SLC7A2: variants seen among roughly 807,000 people sequenced by gnomAD.
The protein encoded by SLC7A2 is cationic amino acid transporter 2.
Under a neutral mutation model 58.9 loss-of-function variants are expected in SLC7A2, and 48 were observed. That is an observed-to-expected ratio of 0.82 (90% CI 0.65 to 1.04). The LOEUF (loss-of-function observed/expected upper bound fraction) is 1.04, where lower values mean the gene tolerates loss of function less well. Ranked by LOEUF, SLC7A2 falls within the 50% of genes least tolerant of loss-of-function variation. The pLI, the probability that SLC7A2 is intolerant of heterozygous loss-of-function variation, is 0.00. For synonymous variants in SLC7A2, 363 were observed against 314.5 expected (o/e 1.15, Z -1.63); for missense variants, 1,029 against 818.8 (o/e 1.26, Z -3.13).
intron 8 of SLC7A2, among the ~76,000 whole-genome samples, chr8:17,556,492 T>G (rs974258731): frequency 2.6e-5 from 4 of 152,112 alleles, no homozygotes; most frequent in Non-Finnish European, 5.9e-5. Context: ...TGTTCTTAAC[T>G]TGGATCAGAG....
Position 17,538,676 on chromosome 8 carries a change from G to C in SLC7A2, c.-22-4642G>C, listed in dbSNP as rs995399678. 5.3e-6 allele frequency: 4 copies of C among 761,768 alleles called. No individual in the cohort carries two copies. In the African/African-American group the frequency reaches 5.5e-5, roughly 10 times the overall value. 47.2% of individuals were successfully genotyped at this position (761,768 alleles called of 1,614,324 possible). A position where few individuals can be genotyped will look rare whatever the true frequency, so the allele number is the denominator to read the frequency against. On this transcript the variant is annotated intron_variant, in intron 2 of 12. Transcript: ENST00000494857. ...CTTGGAACTTTAACATTGTAGAAACGTTGGGTTTGGACATTGCAAAATAAA... is the reference window on the plus strand; with the variant it reads ...CTTGGAACTTTAACATTGTAGAAACCTTGGGTTTGGACATTGCAAAATAAA...
At chr8:17,550,836 T>C (rs1444329887) in intron 6 of SLC7A2, among the ~76,000 whole-genome samples, 1 of 152,098 alleles carries the variant, frequency 6.6e-6, no homozygotes, top group Non-Finnish European at 1.5e-5. Flanking sequence ...GGAGAAAAAA[T>C]ATTGTGTCAG....
intron 2 of SLC7A2, among the ~76,000 whole-genome samples, chr8:17,519,726 C>T (rs1800938866): frequency 6.6e-6 from 1 of 152,172 alleles, no homozygotes; most frequent in African/African-American, 2.4e-5. Context: ...ACTTCAGGGT[C>T]ACTTACCTAA....
rs746765949 is a variant in SLC7A2 at position 17,550,346 on chromosome 8, C to T, written c.744C>T (p.Gly248=). The change falls in exon 6 of 13, where the codon GGC becomes GGT. Residue 248 remains glycine (G), a synonymous_variant. Transcript: ENST00000494857. ...ENGTSIYGAG[G]FMPYGFTGTL... is the part of the protein sequence containing the mutation. ...GAACAAGTATCTATGGGGCTGGTGG[C>T]TTTATGCCTTATGGCTTTACGGGAA... is the stretch of plus-strand genomic sequence containing the variant. 50 of 1,613,946 alleles carry T rather than the reference C, an allele frequency of 3.1e-5. No homozygotes were observed. In the South Asian group the frequency reaches 5.3e-4, roughly 17 times the overall value.
chr8:17,538,774 C>T, intron 2 of SLC7A2: 2 of 1,605,826 alleles, frequency 1.2e-6, no homozygotes, highest in African/African-American at 1.3e-5. Context: ...TTTTTTCCAT[C>T]AGTCCCAAAA....
At chr8:17,509,306 A>C (rs62497985) in intron 2 of SLC7A2, among the ~76,000 whole-genome samples, 43,236 of 151,772 alleles carry the variant, frequency 0.28, 6,373 homozygotes, top group Admixed American at 0.38. Context: ...TAATTTCCTT[A>C]TTCTTCTTCT....
intron 2 of SLC7A2, among the ~76,000 whole-genome samples, chr8:17,505,329 C>A (rs1161945773): frequency 6.6e-6 from 1 of 152,146 alleles, no homozygotes; most frequent in Non-Finnish European, 1.5e-5. Flanking sequence ...CAGGATGGGG[C>A]CTTCTTGGTC....
At chr8:17,524,427 C>T (rs765629172) in intron 2 of SLC7A2, among the ~76,000 whole-genome samples, 3,463 of 143,090 alleles carry the variant, frequency 0.024, 62 homozygotes, top group Non-Finnish European at 0.033. Context: ...TGTGTACACA[C>T]ACACACACAC....
chr8:17,547,776 G>A (rs1290150297), intron 4 of SLC7A2, among the ~76,000 whole-genome samples: 1 of 131,768 alleles, frequency 7.6e-6, no homozygotes, highest in Non-Finnish European at 1.6e-5. Context: ...ATATTTACTG[G>A]CACAAAAGAG....
intron 2 of SLC7A2, among the ~76,000 whole-genome samples, chr8:17,522,292 T>A: frequency 6.6e-6 from 1 of 152,004 alleles, no homozygotes; most frequent in Non-Finnish European, 1.5e-5. Flanking sequence ...ATGAGAACAG[T>A]GTGGGGGAAA....
chr8:17,528,790 ACTTTT>A (rs1801322795), intron 2 of SLC7A2, among the ~76,000 whole-genome samples: 1 of 152,098 alleles, frequency 6.6e-6, no homozygotes, highest in African/African-American at 2.4e-5. Context: ...GAAGGAGAAG[ACTTTT>A]CTTTATTTGT....
rs113984084 is a variant in SLC7A2 at position 17,508,763 on chromosome 8, C to G, written c.-23+6461C>G. Among the ~76,000 whole-genome samples, 185 of 152,044 alleles carry G rather than the reference C, an allele frequency of 1.2e-3. 1 individual carries two copies. Among genetic ancestry groups the G allele is most frequent in the Middle Eastern group, 6.8e-3 (2 of 294 alleles). ...CAAATAATAAAAAAGATAAATTGGT[C>G]AAGTGGCTGAAGATTGAAAGCCTGA... On this transcript the variant is annotated intron_variant, in intron 2 of 12. Transcript: ENST00000494857.
At chr8:17,515,505 A>G (rs1018360234) in intron 2 of SLC7A2, among the ~76,000 whole-genome samples, 12 of 152,104 alleles carry the variant, frequency 7.9e-5, no homozygotes, top group Admixed American at 5.9e-4. Context: ...CATGTTGGCC[A>G]GGATGGTTTT....
chr8:17,517,370 G>T (rs1276775930), intron 2 of SLC7A2, among the ~76,000 whole-genome samples: 2 of 152,208 alleles, frequency 1.3e-5, no homozygotes, highest in Non-Finnish European at 2.9e-5. Context: ...AATATGAAGA[G>T]AATCAAGAAT....
At chr8:17,514,156 T>A (rs1800710450) in intron 2 of SLC7A2, among the ~76,000 whole-genome samples, 1 of 152,066 alleles carries the variant, frequency 6.6e-6, no homozygotes, top group Non-Finnish European at 1.5e-5. Flanking sequence ...CTCAGCAATT[T>A]CATCCCAATT....
rs968582214 is a variant in SLC7A2 at position 17,548,736 on chromosome 8, T to G, written c.591T>G (p.Val197=). ...GGGTGAATAAAGTCTTCACAGCTGT[T>G]AATATTCTCGTCCTTCTGTTTGTGA... ...SAWVNKVFTA[V]NILVLLFVMV... is the part of the protein sequence containing the mutation. The change falls in exon 5 of 13, where the codon GTT becomes GTG. Residue 197 remains valine, a synonymous_variant. Coordinates refer to ENST00000494857, the MANE Select transcript of SLC7A2 (RefSeq NM_001370338.1). The G allele has an allele frequency of 6.2e-7, 1 of 1,613,794 alleles. No individual in the cohort carries two copies. Among genetic ancestry groups the G allele is most frequent in the Admixed American group, 1.7e-5 (1 of 60,018 alleles).
intron 2 of SLC7A2, among the ~76,000 whole-genome samples, chr8:17,541,914 T>C (rs1386346247): frequency 6.6e-6 from 1 of 152,222 alleles, no homozygotes; most frequent in East Asian, 1.9e-4. Context: ...ACCTGATTTT[T>C]TTTCAGTGTT....
In SLC7A2 at chr8:17,569,861, G is replaced by A. The variant is rs946574430; in HGVS notation, c.*4715G>A. The A allele has an allele frequency of 6.6e-6, 1 of 152,134 alleles. No homozygotes were observed. Among genetic ancestry groups the A allele is most frequent in the Non-Finnish European group, 1.5e-5 (1 of 68,050 alleles). 9.4% of individuals were successfully genotyped at this position (152,134 alleles called of 1,614,324 possible). ...ACAGCCCCGTGGAGATCATAATCAG[G>A]GCCCCAGGCTGGTTCCAGGATCAGG... On this transcript the variant is annotated 3_prime_UTR_variant, in exon 13 of 13. Transcript: ENST00000494857.
At chr8:17,495,267 T>C (rs192576780), upstream of SLC7A2, among the ~76,000 whole-genome samples, 2 of 151,696 alleles carry the variant, frequency 1.3e-5, no homozygotes, top group African/African-American at 4.8e-5. Context: ...TTAAACCAGG[T>C]GAAAAATGTT....
Sources: gnomAD v4.1 joint callset for allele counts (sites outside exome capture counted in the v4.1 genomes callset) on GRCh38, gnomAD v4.1.1 for gene constraint, MANE v1.5 for transcripts, NCBI Gene and HGNC (gene_info 2026-07-23, HGNC 2026-07-21) for gene names.